The following TMEM200A variants were observed in gnomAD, a reference collection of about 807,000 sequenced individuals.
The protein encoded by TMEM200A is transmembrane protein 200A.
In TMEM200A, 12 loss-of-function variants were observed where a neutral mutation model predicts 24.3. That is an observed-to-expected ratio of 0.49 (90% CI 0.32 to 0.80). The LOEUF (loss-of-function observed/expected upper bound fraction) is 0.80. Ranked by LOEUF, TMEM200A falls within the 30% of genes least tolerant of loss-of-function variation. The pLI, the probability that TMEM200A is intolerant of heterozygous loss-of-function variation, is 0.04. For synonymous variants in TMEM200A, 224 were observed against 224.4 expected, an observed-to-expected ratio of 1.00 and a Z score of 0.02; for missense variants, 545 against 614.4, an observed-to-expected ratio of 0.89 and a Z score of 1.19.
At position 130,441,994 on chromosome 6, in the gene TMEM200A, C is replaced by A; in HGVS notation, c.*96C>A. 8.0e-7 allele frequency: 1 copy of A among 1,244,258 alleles called. No individual in the cohort carries two copies. The highest frequency in any genetic ancestry group is 1.1e-6 in the Non-Finnish European group (1 of 906,826). The allele number at this position is 1,244,258 out of a possible 1,614,324, so 77.1% of individuals were successfully genotyped here. On this transcript the variant is annotated 3_prime_UTR_variant, in exon 3 of 3. Transcript: ENST00000296978. ...AGTATTGGCTGTAAGCCTTTTTAATCAAATGGTTTGTAGTGTATTAGAATT... is the reference window on the plus strand; with the variant it reads ...AGTATTGGCTGTAAGCCTTTTTAATAAAATGGTTTGTAGTGTATTAGAATT...
intron 2 of TMEM200A, among the ~76,000 whole-genome samples, chr6:130,399,634 TTTC>T (rs142517028): frequency 0.33 from 50,203 of 150,846 alleles, 11,777 homozygotes; most frequent in African/African-American, 0.67. Flanking sequence ...TCTATTTTTA[TTTC>T]TTCTTTTATT....
At chr6:130,439,371 G>A (rs1179557235) in intron 2 of TMEM200A, 2 of 152,318 alleles carry the variant, frequency 1.3e-5, no homozygotes, top group East Asian at 1.9e-4. Context: ...ATTGGAAGAG[G>A]AAGAAGAAAG....
chr6:130,414,075 A>G (rs1330493362), intron 2 of TMEM200A, among the ~76,000 whole-genome samples: 1 of 152,204 alleles, frequency 6.6e-6, no homozygotes, highest in East Asian at 1.9e-4. Context: ...AGAAAACAAC[A>G]AAACCTGCTT....
chr6:130,394,802 G>A (rs1778911682), intron 2 of TMEM200A, among the ~76,000 whole-genome samples: 1 of 152,294 alleles, frequency 6.6e-6, no homozygotes, highest in Middle Eastern at 3.4e-3. Flanking sequence ...ACAGAGGATA[G>A]TGGGCATGGT....
At chr6:130,374,166 G>A (rs1778385425) in intron 1 of TMEM200A, among the ~76,000 whole-genome samples, 1 of 152,180 alleles carries the variant, frequency 6.6e-6, no homozygotes, top group African/African-American at 2.4e-5. Context: ...GAGAGAAGTT[G>A]ATTGATGTAG....
intron 1 of TMEM200A, among the ~76,000 whole-genome samples, chr6:130,373,063 G>GA (rs1161329724): frequency 5.9e-5 from 9 of 151,744 alleles, no homozygotes; most frequent in African/African-American, 1.9e-4. Flanking sequence ...CTGCTGGGGA[G>GA]AAAAAAAAGT....
chr6:130,370,613 C>T (rs547183005), intron 1 of TMEM200A, among the ~76,000 whole-genome samples: 22 of 152,016 alleles, frequency 1.4e-4, no homozygotes, highest in South Asian at 4.2e-4. Flanking sequence ...AATGCGTATC[C>T]CAAAAGTGGG....
rs114822237 is a variant in TMEM200A, at chr6:130,384,386, A to T, written c.-80-787A>T. 4.1e-3 allele frequency among the ~76,000 whole-genome samples: 630 copies of T among 152,264 alleles called. 5 individuals carry two copies. Among genetic ancestry groups the T allele is most frequent in the African/African-American group, 0.014 (586 of 41,550 alleles). On this transcript the variant is annotated intron_variant, in intron 1 of 2. Transcript: ENST00000296978. ...GAAAGCGGTAGCATGATCATAGCTC[A>T]CTGTACCCTCAAATACTTGTGCTCA...
chr6:130,440,539 C>T lies in TMEM200A; in HGVS notation c.117C>T (p.Pro39=), dbSNP rs1298360132. 2 of 1,614,126 alleles carry T rather than the reference C, an allele frequency of 1.2e-6. No homozygotes were observed. Among genetic ancestry groups the T allele is most frequent in the African/African-American group, 1.3e-5 (1 of 75,058 alleles). The change falls in exon 3 of 3, where the codon CCC becomes CCT. Residue 39 remains proline, a synonymous_variant. Coordinates refer to ENST00000296978, the MANE Select transcript of TMEM200A (RefSeq NM_001258277.2). ...CTCCTGCTACCCAAGAGAAGAAGCC[C>T]ATCAGGCGCCGGCCCCGGGCAGATG... ...SPSPATQEKK[P]IRRRPRADVV...
chr6:130,365,628 C>A (rs1778116403), upstream of TMEM200A: 1 of 985,360 alleles, frequency 1.0e-6, no homozygotes. Context: ...GCTCGGTAAC[C>A]GGTGGTCCCG....
intron 2 of TMEM200A, among the ~76,000 whole-genome samples, chr6:130,391,318 A>C (rs1778826536): frequency 1.3e-5 from 2 of 152,132 alleles, no homozygotes; most frequent in African/African-American, 4.8e-5. Context: ...ACAAGGACTC[A>C]CCATAACCTC....
chr6:130,377,238 A>C (rs1381749638), intron 1 of TMEM200A, among the ~76,000 whole-genome samples: 1 of 152,206 alleles, frequency 6.6e-6, no homozygotes, highest in African/African-American at 2.4e-5. Context: ...GAGGAGTGAA[A>C]TTGTGAATTA....
intron 1 of TMEM200A, among the ~76,000 whole-genome samples, chr6:130,374,866 T>A (rs1463792908): frequency 1.3e-5 from 2 of 152,318 alleles, no homozygotes; most frequent in Middle Eastern, 3.4e-3. Flanking sequence ...GTACCTAGTT[T>A]TATGGCAATG....
intron 2 of TMEM200A, among the ~76,000 whole-genome samples, chr6:130,386,347 G>T (rs1778712024): frequency 6.6e-6 from 1 of 152,140 alleles, no homozygotes; most frequent in Admixed American, 6.5e-5. Flanking sequence ...TTAGAACGGG[G>T]CTGAAAACTG....
chr6:130,372,006 T>TA (rs1202635738), intron 1 of TMEM200A, among the ~76,000 whole-genome samples: 1 of 152,196 alleles, frequency 6.6e-6, no homozygotes, highest in East Asian at 1.9e-4. Context: ...GGGTAAATAT[T>TA]ATGCCTCCCC....
At chr6:130,438,782 C>T (rs1268963827) in intron 2 of TMEM200A, 1 of 152,118 alleles carries the variant, frequency 6.6e-6, no homozygotes, top group Non-Finnish European at 1.5e-5. Flanking sequence ...AACTGTGATA[C>T]TATAATATTG....
intron 2 of TMEM200A, among the ~76,000 whole-genome samples, chr6:130,430,143 G>A (rs1779841825): frequency 6.6e-6 from 1 of 152,076 alleles, no homozygotes; most frequent in Non-Finnish European, 1.5e-5. Context: ...AAGCTGGGAA[G>A]TCCAAGATAC....
Position 130,440,495 on chromosome 6 carries a change from C to T in TMEM200A, c.73C>T (p.His25Tyr), listed in dbSNP as rs760749200. ...KRQDSARSQQ[H>Y]VNLSPSPATQ... ...GCAAGACTCTGCCAGATCACAGCAG[C>T]ATGTCAACCTCAGCCCGTCTCCTGC... The change falls in exon 3 of 3, where the codon CAT becomes TAT. Residue 25 changes from histidine to tyrosine, a missense_variant. By Grantham distance (83) the His-to-Tyr change is moderately conservative (BLOSUM62 2). Transcript: ENST00000296978. 5.0e-6 allele frequency: 8 copies of T among 1,613,706 alleles called. No homozygotes were observed. The highest frequency in any genetic ancestry group is 4.4e-5 in the South Asian group (4 of 91,044).
intron 2 of TMEM200A, among the ~76,000 whole-genome samples, chr6:130,433,268 C>CTTGG (rs1470087478): frequency 1.3e-4 from 19 of 151,880 alleles, no homozygotes; most frequent in African/African-American, 4.6e-4. Context: ...TCCTGAGTAG[C>CTTGG]TGGGATTACA....
Sources: allele counts gnomAD v4.1 joint callset (sites outside exome capture counted in the v4.1 genomes callset), GRCh38; gene constraint gnomAD v4.1.1; transcripts MANE v1.5; gene names NCBI Gene and HGNC (gene_info 2026-07-23, HGNC 2026-07-21).